AMZ2: variants seen among roughly 807,000 people sequenced by gnomAD.
AMZ2 encodes archaemetzincin-2.
In AMZ2, 26 loss-of-function variants were observed where a neutral mutation model predicts 36.7. The observed-to-expected ratio is 0.71, with a 90% CI of 0.52 to 0.98. AMZ2 has a LOEUF of 0.98. AMZ2 is among the 50% of genes least tolerant of loss of function. The pLI is 0.00. For missense variants in AMZ2, 394 were observed against 430.5 expected, an observed-to-expected ratio of 0.92 and a Z score of 0.75; for synonymous variants, 144 against 149.1, an observed-to-expected ratio of 0.97 and a Z score of 0.25.
At position 68,232,445 on chromosome 17, in the gene AMZ2, G is replaced by A. The variant is rs149314732; in HGVS notation, c.-66-16195G>A. Among the ~76,000 whole-genome samples, 14 of 149,012 alleles carry A rather than the reference G, an allele frequency of 9.4e-5. No individual in the cohort carries two copies. The East Asian group carries it at 2.6e-3, about 27-fold the overall frequency. On this transcript the variant is annotated intron_variant, in intron 1 of 7. Coordinates refer to the AMZ2 transcript ENST00000674770. The stretch of plus-strand genomic sequence containing the variant: ...TGGGAGTCTGAGGCTACAATAAACC[G>A]TGATCACACTGCTGCACTCGAGCCT...
intron 1 of AMZ2, among the ~76,000 whole-genome samples, chr17:68,228,277 A>C (rs1173580515): frequency 6.6e-6 from 1 of 152,176 alleles, no homozygotes; most frequent in Non-Finnish European, 1.5e-5. Context: ...TCAGTCACCA[A>C]ATCTCAGCAT....
intron 1 of AMZ2, among the ~76,000 whole-genome samples, chr17:68,234,621 T>C (rs2073743892): frequency 2.6e-5 from 4 of 151,352 alleles, no homozygotes; most frequent in Admixed American, 2.6e-4. Flanking sequence ...AATAAAAAAA[T>C]TAGCTGGGCA....
At chr17:68,226,215 G>A (rs1257850975) in intron 1 of AMZ2, among the ~76,000 whole-genome samples, 3 of 152,120 alleles carry the variant, frequency 2.0e-5, no homozygotes, top group Admixed American at 1.3e-4. Context: ...AAAACTGCAG[G>A]AATCTGAACG....
chr17:68,255,754 G>C lies in AMZ2; in HGVS notation c.805G>C (p.Ala269Pro). 6.2e-7 allele frequency: 1 copy of C among 1,614,188 alleles called. No individual in the cohort carries two copies. Among genetic ancestry groups the C allele is most frequent in the Non-Finnish European group, 8.5e-7 (1 of 1,180,034 alleles). Residue 269 changes from alanine to proline, a missense_variant, in exon 6 of 7, where the codon GCA becomes CCA. Transcript: ENST00000359904. Reference protein sequence around the residue: ...IFGLRHCQWLACLMQGSNHLE... With the variant: ...IFGLRHCQWLPCLMQGSNHLE... ...TGGACTGCGACACTGCCAGTGGCTT[G>C]CATGCCTCATGCAAGGCTCCAACCA... is the stretch of plus-strand genomic sequence containing the variant.
At chr17:68,247,935 G>C (rs2074107913), upstream of AMZ2, 1 of 984,672 alleles carries the variant, frequency 1.0e-6, no homozygotes, top group South Asian at 4.7e-5. Flanking sequence ...ACGCTCAGGG[G>C]CGTGGCATGG....
chr17:68,237,654 G>A (rs1365549356), intron 1 of AMZ2, among the ~76,000 whole-genome samples: 4 of 152,152 alleles, frequency 2.6e-5, no homozygotes, highest in Admixed American at 1.3e-4. Context: ...TAACCCCCTC[G>A]GCTGGCACCT....
intron 1 of AMZ2, among the ~76,000 whole-genome samples, chr17:68,211,757 T>C (rs2073060700): frequency 7.9e-6 from 1 of 125,888 alleles, no homozygotes; most frequent in Non-Finnish European, 1.6e-5. Flanking sequence ...TATATATGTA[T>C]ATGTATATAT....
chr17:68,211,643 A>C (rs763582691), intron 1 of AMZ2, among the ~76,000 whole-genome samples: 12 of 149,908 alleles, frequency 8.0e-5, no homozygotes, highest in Non-Finnish European at 1.5e-4. Context: ...ATTATATCTC[A>C]ATAAAAATAA....
chr17:68,246,503 C>T (rs2074019736), upstream of AMZ2: 1 of 152,196 alleles, frequency 6.6e-6, no homozygotes, highest in South Asian at 2.1e-4. Flanking sequence ...TGCTACACCA[C>T]CTCAGGCTGT....
upstream of AMZ2, chr17:68,247,918 C>G: frequency 1.0e-6 from 1 of 985,586 alleles, no homozygotes; most frequent in Non-Finnish European, 1.2e-6. Flanking sequence ...CCTGCCCAGG[C>G]GGCCGCACGC....
chr17:68,226,442 C>T (rs1860036), intron 1 of AMZ2, among the ~76,000 whole-genome samples: 84,408 of 152,092 alleles, frequency 0.55, 24,779 homozygotes, highest in African/African-American at 0.75. Flanking sequence ...CCAGCCCCTG[C>T]GTCTCTTTCT....
chr17:68,207,783 C>G (rs1274186887), intron 1 of AMZ2, among the ~76,000 whole-genome samples: 1 of 152,342 alleles, frequency 6.6e-6, no homozygotes, highest in Non-Finnish European at 1.5e-5. Context: ...CAGCCCGCCA[C>G]TGTACTGTGG....
chr17:68,238,987 G>A (rs562941270), intron 1 of AMZ2, among the ~76,000 whole-genome samples: 318 of 152,320 alleles, frequency 2.1e-3, no homozygotes, highest in Non-Finnish European at 3.3e-3. Context: ...AAGATCATTT[G>A]TAAGTTGGTT....
In AMZ2 at chr17:68,248,170, G is replaced by A. The variant is rs1353762464; in HGVS notation, c.-536G>A. 1 of 986,308 alleles carries A rather than the reference G, an allele frequency of 1.0e-6. No homozygotes were observed. Among genetic ancestry groups the A allele is most frequent in the African/African-American group, 1.7e-5 (1 of 57,260 alleles). The allele number at this position is 986,308 out of a possible 1,614,324, so 61.1% of individuals were successfully genotyped here. A position where few individuals can be genotyped will look rare whatever the true frequency, so the allele number is the denominator to read the frequency against. ...CCGGGGCCCCTAGGCAGGGTAGCCG[G>A]GTCGTAGAGGCGGGGGCCGGTCGCG... On this transcript the variant is annotated 5_prime_UTR_variant, in exon 1 of 7. Transcript: ENST00000359904.
intron 1 of AMZ2, chr17:68,206,323 C>T: frequency 1.7e-6 from 2 of 1,196,084 alleles, no homozygotes; most frequent in Non-Finnish European, 1.0e-6. Flanking sequence ...GTGCATCCTG[C>T]TCCGATCTCC....
chr17:68,234,372 C>T (rs1669200102), intron 1 of AMZ2, among the ~76,000 whole-genome samples: 1 of 151,462 alleles, frequency 6.6e-6, no homozygotes, highest in Non-Finnish European at 1.5e-5. Context: ...CGCCTGAGCC[C>T]AGGAGGTCAA....
In AMZ2 at chr17:68,220,782, C is replaced by CTTTTTT. The variant is rs11298867; in HGVS notation, c.-67+14555_-67+14560dup. 1.3e-3 allele frequency among the ~76,000 whole-genome samples: 172 copies of CTTTTTT among 131,802 alleles called. 3 individuals carry two copies. Among genetic ancestry groups the CTTTTTT allele is most frequent in the East Asian group, 6.9e-3 (31 of 4,466 alleles). 86.5% of individuals were successfully genotyped at this position (131,802 alleles called of 152,430 possible). A position where few individuals can be genotyped will look rare whatever the true frequency, so the allele number is the denominator to read the frequency against. The stretch of plus-strand genomic sequence containing the variant: ...GGACACTTTTTTTCTTTTTCTTTCT[C>CTTTTTT]TTTTTTTTTTTTTTTTGAGACAGGG... On this transcript the variant is annotated intron_variant, in intron 1 of 7. Coordinates refer to the AMZ2 transcript ENST00000674770.
At chr17:68,247,789 C>T (rs1708533575), upstream of AMZ2, 15 of 985,446 alleles carry the variant, frequency 1.5e-5, no homozygotes, top group Non-Finnish European at 1.7e-5. Flanking sequence ...GCCGCGGAGC[C>T]GCCGCGAGCG....
chr17:68,221,430 G>A (rs1382035125), intron 1 of AMZ2, among the ~76,000 whole-genome samples: 1 of 152,088 alleles, frequency 6.6e-6, no homozygotes, highest in East Asian at 1.9e-4. Context: ...GGAACATTGC[G>A]TCAGTAAGAA....
Sources: allele counts gnomAD v4.1 joint callset (sites outside exome capture counted in the v4.1 genomes callset), GRCh38; gene constraint gnomAD v4.1.1; transcripts MANE v1.5; gene names NCBI Gene and HGNC (gene_info 2026-07-23, HGNC 2026-07-21).